Variants in C16orf96 observed in about 807,000 individuals in gnomAD.
C16orf96 encodes the protein chromosome 16 open reading frame 96, also known as uncharacterized protein C16orf96.
A neutral mutation model predicts 103.6 loss-of-function variants in C16orf96; 108 were observed. That is an observed-to-expected ratio of 1.04 (90% CI 0.89 to 1.22). C16orf96 has a LOEUF of 1.22. Ranked by LOEUF, C16orf96 falls within the 50% of genes most tolerant of loss-of-function variation. The probability of loss-of-function intolerance (pLI) is 0.00; values close to 1 mark genes in which losing one functional copy is unlikely to be tolerated. For synonymous variants in C16orf96, 566 were observed against 593.5 expected (o/e 0.95, Z 0.67); for missense variants, 1,586 against 1,464.2 (o/e 1.08, Z -1.36).
intron 11 of C16orf96, 76 bp downstream of exon 11, chr16:4,592,443 T>TGGAG: frequency 2.0e-6 from 3 of 1,476,044 alleles, no homozygotes; most frequent in East Asian, 2.5e-5. Flanking sequence ...TGCACCTCCA[T>TGGAG]GTGCACCGTT....
At position 4,588,239 on chromosome 16, in the gene C16orf96, G is replaced by A. The variant is rs762558204; in HGVS notation, c.2500G>A (p.Glu834Lys). ...DLETVALELN[E>K]MIQGILFKVT... ...GGAGACTGTGGCCTTGGAGCTGAAC[G>A]AGATGATTCAGGGCATACTCTTCAA... Residue 834 changes from glutamate to lysine, a missense_variant, in exon 9 of 16, where the codon GAG becomes AAG. Transcript: ENST00000444310. The A allele has an allele frequency of 2.7e-5, 42 of 1,551,578 alleles. No individual in the cohort carries two copies. In the South Asian group the frequency reaches 3.9e-4, roughly 15 times the overall value.
the C16orf96 span, among the ~76,000 whole-genome samples, chr16:4,550,733 T>G: frequency 1.2e-4 from 19 of 152,222 alleles, no homozygotes; most frequent in Admixed American, 9.2e-4. Flanking sequence ...CTTGTGGTTC[T>G]AGCCTCATGG....
intron 1 of C16orf96, among the ~76,000 whole-genome samples, chr16:4,569,942 G>A (rs1228250603): frequency 6.6e-6 from 1 of 152,088 alleles, no homozygotes; most frequent in Admixed American, 6.6e-5. Flanking sequence ...TTCTTCCCAG[G>A]AAGGTGCCAA....
chr16:4,557,036 C>T (rs760874461), intron 1 of C16orf96, 127 bp downstream of exon 1: 2 of 1,078,760 alleles, frequency 1.9e-6, no homozygotes, highest in Non-Finnish European at 2.6e-6. Flanking sequence ...GTGGTGTGAT[C>T]TTGGCTCACT....
Position 4,594,757 on chromosome 16 carries a change from C to G in C16orf96, c.3081C>G (p.Asn1027Lys). Reference sequence around the variant, plus strand: ...GGATCCTGTACAAAGGCCGCGTGAACAGCCAGCGTGGGGCTCAGCCCTTGG... The same window carrying G: ...GGATCCTGTACAAAGGCCGCGTGAAGAGCCAGCGTGGGGCTCAGCCCTTGG... ...VDGILYKGRV[N>K]SQRGAQPLAV... Residue 1027 changes from asparagine (N) to lysine (K), a missense_variant, in exon 14 of 16, where the codon AAC becomes AAG. Transcript: ENST00000444310. 1 of 1,551,068 alleles carries G rather than the reference C, an allele frequency of 6.4e-7. No homozygotes were observed. The highest frequency in any genetic ancestry group is 1.2e-5 in the South Asian group (1 of 84,044).
rs1340133791 is a variant in C16orf96 at position 4,575,361 on chromosome 16, C to G, written c.881C>G (p.Ser294Cys). Residue 294 changes from serine (S) to cysteine (C), a missense_variant, in exon 5 of 16, where the codon TCT (serine) becomes TGT (cysteine). Ser to Cys is a moderately radical substitution (Grantham distance 112). Transcript: ENST00000444310. ...EVPELLPEGS[S>C]AQAVSLSRAQ... ...CCAGAGCTCCTCCCGGAGGGCTCAT[C>G]TGCCCAAGCAGTTTCACTCAGCAGA... 2 of 1,551,092 alleles carry G rather than the reference C, an allele frequency of 1.3e-6. No individual in the cohort carries two copies. Among genetic ancestry groups the G allele is most frequent in the East Asian group, 2.4e-5 (1 of 40,934 alleles).
chr16:4,599,694 C>G (rs1282231212), intron 15 of C16orf96, among the ~76,000 whole-genome samples: 1 of 152,236 alleles, frequency 6.6e-6, no homozygotes, highest in African/African-American at 2.4e-5. Context: ...GGCAGTTTCT[C>G]CCTTATCTCA....
At chr16:4,594,227 C>A in intron 12 of C16orf96, 124 bp from the exon 13 acceptor site, 1 of 1,160,528 alleles carries the variant, frequency 8.6e-7, no homozygotes, top group Non-Finnish European at 1.2e-6. Context: ...CCTGGCTGTG[C>A]CAGCTAAACA....
intron 5 of C16orf96, among the ~76,000 whole-genome samples, chr16:4,577,781 C>G (rs1446666536): frequency 6.6e-6 from 1 of 152,206 alleles, no homozygotes; most frequent in Non-Finnish European, 1.5e-5. Flanking sequence ...CATAGCGAAA[C>G]TCCGTCTCGA....
chr16:4,580,372 C>T (rs541874787), intron 7 of C16orf96, among the ~76,000 whole-genome samples: 7 of 139,812 alleles, frequency 5.0e-5, no homozygotes, highest in Non-Finnish European at 1.1e-4. Flanking sequence ...ACCACTGCGT[C>T]ACCTGCCCCT....
chr16:4,600,015 T>C, intron 15 of C16orf96, 85 bp from the exon 16 acceptor site: 2 of 1,315,484 alleles, frequency 1.5e-6, no homozygotes, highest in South Asian at 1.3e-5. Flanking sequence ...GCTTCTCTTC[T>C]CTTTAGTGGG....
the C16orf96 span, among the ~76,000 whole-genome samples, chr16:4,546,892 A>G: frequency 6.6e-6 from 1 of 152,210 alleles, no homozygotes; most frequent in East Asian, 1.9e-4. Context: ...GATCCGTGCT[A>G]CAACGTGGAT....
chr16:4,594,278 G>T, intron 12 of C16orf96, 73 bp from the exon 13 acceptor site: 14 of 1,493,104 alleles, frequency 9.4e-6, no homozygotes, highest in Non-Finnish European at 1.3e-5. Flanking sequence ...ATGCTGGCCA[G>T]GCCCTTGGGG....
At chr16:4,551,390 A>G (rs2059226599), upstream of C16orf96, among the ~76,000 whole-genome samples, 1 of 152,178 alleles carries the variant, frequency 6.6e-6, no homozygotes, top group Non-Finnish European at 1.5e-5. Context: ...GAGGTCACCC[A>G]AGGATAACCA....
chr16:4,559,379 C>T (rs1318821863), intron 1 of C16orf96, among the ~76,000 whole-genome samples: 2 of 151,314 alleles, frequency 1.3e-5, no homozygotes, highest in African/African-American at 4.9e-5. Flanking sequence ...CCCGTCTCTA[C>T]TAAAAATAAA....
intron 6 of C16orf96, 33 bp downstream of exon 6, chr16:4,579,058 G>A (rs2141728849): frequency 6.5e-7 from 1 of 1,538,768 alleles, no homozygotes; most frequent in Non-Finnish European, 8.8e-7. Context: ...TTTTGAGGCA[G>A]TGATGGCTTG....
chr16:4,550,175 C>A, the C16orf96 span, among the ~76,000 whole-genome samples: 2 of 151,054 alleles, frequency 1.3e-5, no homozygotes, highest in East Asian at 3.9e-4. Context: ...ACCTCTGCCT[C>A]TCGGGCTCAA....
chr16:4,587,156 C>T, intron 8 of C16orf96, 43 bp downstream of exon 8: 1 of 1,509,208 alleles, frequency 6.6e-7, no homozygotes, highest in Middle Eastern at 1.9e-4. Flanking sequence ...CTCCCCTACC[C>T]AGGGAAACGG....
At position 4,600,337 on chromosome 16, in the gene C16orf96, C is replaced by G; in HGVS notation, c.*20C>G. On this transcript the variant is annotated 3_prime_UTR_variant, in exon 16 of 16. Coordinates refer to ENST00000444310, the MANE Select transcript of C16orf96 (RefSeq NM_001145011.2). ...CCGTGAGCCCCACCCCGCTGCGCCC[C>G]CCATCGCCAAGTCCCCTCCACGTCC... 2.0e-6 allele frequency: 3 copies of G among 1,519,430 alleles called. No homozygotes were observed. The highest frequency in any genetic ancestry group is 2.7e-6 in the Non-Finnish European group (3 of 1,123,004). 94.1% of individuals were successfully genotyped at this position (1,519,430 alleles called of 1,614,324 possible).
Sources: gnomAD v4.1 joint callset for allele counts (sites outside exome capture counted in the v4.1 genomes callset) on GRCh38, gnomAD v4.1.1 for gene constraint, MANE v1.5 for transcripts, NCBI Gene and HGNC (gene_info 2026-07-23, HGNC 2026-07-21) for gene names.